The following CNTNAP5 variants were observed in gnomAD, a reference collection of about 807,000 sequenced individuals.
CNTNAP5 encodes the protein contactin associated protein family member 5, also known as contactin-associated protein-like 5.
In CNTNAP5, 72 loss-of-function variants were observed where a neutral mutation model predicts 150.2. The ratio of observed to expected loss-of-function variants is 0.48; its 90% CI spans 0.40 to 0.58. The LOEUF is 0.58. CNTNAP5 is among the 20% of genes least tolerant of loss of function. The pLI is 0.00. For missense variants in CNTNAP5, 1,636 were observed against 1,626.2 expected (o/e 1.01, Z -0.10); for synonymous variants, 672 against 619.8 (o/e 1.08, Z -1.25).
chr2:124,194,405 ATATATAAAT>A (rs1685533090), intron 1 of CNTNAP5, among the ~76,000 whole-genome samples: 3 of 6,090 alleles, frequency 4.9e-4, no homozygotes, highest in African/African-American at 8.7e-4. Flanking sequence ...ATATATATAT[ATATATAAAT>A]ATAAATAGGT....
chr2:124,117,208 C>G (rs1683448811), intron 1 of CNTNAP5, among the ~76,000 whole-genome samples: 1 of 152,162 alleles, frequency 6.6e-6, no homozygotes, highest in Admixed American at 6.5e-5. Context: ...GGGCAGAAAC[C>G]TGAGGTCTAT....
intron 3 of CNTNAP5, among the ~76,000 whole-genome samples, chr2:124,296,048 C>G (rs991397844): frequency 6.6e-6 from 1 of 150,906 alleles, no homozygotes; most frequent in African/African-American, 2.4e-5. Context: ...TATATAGTAC[C>G]TTTCCCTTCT....
chr2:124,143,773 T>A (rs921237043), intron 1 of CNTNAP5, among the ~76,000 whole-genome samples: 1 of 132,330 alleles, frequency 7.6e-6, no homozygotes, highest in African/African-American at 2.9e-5. Context: ...TTCAACATAG[T>A]GTTGGAAGTT....
chr2:124,159,961 T>G (rs1684634938), intron 1 of CNTNAP5, among the ~76,000 whole-genome samples: 1 of 152,244 alleles, frequency 6.6e-6, no homozygotes, highest in Non-Finnish European at 1.5e-5. Context: ...GCAATATTCC[T>G]GTTTTTTACA....
intron 12 of CNTNAP5, among the ~76,000 whole-genome samples, chr2:124,625,314 T>TTA (rs1165942171): frequency 3.3e-5 from 5 of 151,984 alleles, no homozygotes; most frequent in Admixed American, 2.6e-4. Flanking sequence ...CATATGGAAA[T>TTA]TATATAAAGC....
chr2:124,541,660 G>A (rs1452831519), intron 10 of CNTNAP5, among the ~76,000 whole-genome samples: 1 of 152,106 alleles, frequency 6.6e-6, no homozygotes, highest in Non-Finnish European at 1.5e-5. Context: ...AAATAATAAG[G>A]AAGGGAATAC....
intron 1 of CNTNAP5, among the ~76,000 whole-genome samples, chr2:124,144,621 A>G (rs1684197444): frequency 7.9e-6 from 1 of 126,150 alleles, no homozygotes; most frequent in African/African-American, 3.1e-5. Context: ...TCCCTTCCTT[A>G]CACGTTATAC....
chr2:124,700,604 A>G (rs556250829), intron 13 of CNTNAP5, among the ~76,000 whole-genome samples: 12 of 152,200 alleles, frequency 7.9e-5, no homozygotes, highest in South Asian at 6.2e-4. Context: ...CTCCTCACCA[A>G]TGGCATTGAA....
At chr2:124,072,825 C>A (rs898010732) in intron 1 of CNTNAP5, among the ~76,000 whole-genome samples, 1 of 151,928 alleles carries the variant, frequency 6.6e-6, no homozygotes, top group Non-Finnish European at 1.5e-5. Context: ...ATCAAAATAC[C>A]AATGACATCC....
intron 1 of CNTNAP5, among the ~76,000 whole-genome samples, chr2:124,156,769 G>A (rs764914786): frequency 8.5e-5 from 13 of 152,142 alleles, no homozygotes; most frequent in African/African-American, 2.7e-4. Flanking sequence ...GATTACAGGC[G>A]TGAGCCACCG....
At chr2:124,557,536 C>A (rs745620876) in intron 10 of CNTNAP5, among the ~76,000 whole-genome samples, 10 of 152,134 alleles carry the variant, frequency 6.6e-5, no homozygotes, top group African/African-American at 2.4e-4. Context: ...AGAGTGCCTA[C>A]CTTGCTTCCT....
chr2:124,252,561 T>C (rs1439922675), intron 3 of CNTNAP5, among the ~76,000 whole-genome samples: 2 of 152,176 alleles, frequency 1.3e-5, no homozygotes, highest in African/African-American at 4.8e-5. Flanking sequence ...GGGACTCTAA[T>C]CTGTTGCTAA....
chr2:124,466,598 G>A (rs1470476463), intron 6 of CNTNAP5, among the ~76,000 whole-genome samples: 1 of 152,192 alleles, frequency 6.6e-6, no homozygotes, highest in Non-Finnish European at 1.5e-5. Flanking sequence ...ACTTTATCAA[G>A]TGTTTCTAAG....
rs956269020 is a variant in CNTNAP5, at chr2:124,213,490, G to T, written c.83-8215G>T. 1.4e-4 allele frequency among the ~76,000 whole-genome samples: 22 copies of T among 152,258 alleles called. No homozygotes were observed. In the East Asian group the frequency reaches 4.3e-3, roughly 29 times the overall value. ...TCCTTTCACTCAACAAAGAAGTATTGACTAATTTATGTAGTCTGAAATACT... is the reference window on the plus strand; with the variant it reads ...TCCTTTCACTCAACAAAGAAGTATTTACTAATTTATGTAGTCTGAAATACT... On this transcript the variant is annotated intron_variant, in intron 1 of 23. Coordinates refer to ENST00000682447, the MANE Select transcript of CNTNAP5 (RefSeq NM_001367498.1).
chr2:124,575,276 C>A (rs568999064), intron 11 of CNTNAP5, among the ~76,000 whole-genome samples: 1 of 152,284 alleles, frequency 6.6e-6, no homozygotes, highest in African/African-American at 2.4e-5. Flanking sequence ...TAGGGAAAAT[C>A]CAGGGTTCTT....
Position 124,866,260 on chromosome 2 carries a change from AAAAC to A in CNTNAP5, c.3348+840_3348+843del, listed in dbSNP as rs200542925. Among the ~76,000 whole-genome samples the A allele has an allele frequency of 7.9e-3, 1,200 of 152,268 alleles. 14 individuals carry two copies. The highest frequency in any genetic ancestry group is 0.023 in the African/African-American group (950 of 41,538). On this transcript the variant is annotated intron_variant, in intron 20 of 23. Transcript: ENST00000682447. ...GGGAGACAGAGTGACTCCATCTCAA[AAAAC>A]AAACAAACAAACAAAAAGAAATGCA...
intron 19 of CNTNAP5, among the ~76,000 whole-genome samples, chr2:124,821,321 T>G (rs1302456387): frequency 3.3e-5 from 5 of 152,114 alleles, no homozygotes; most frequent in African/African-American, 1.2e-4. Context: ...CCACTTTCTT[T>G]CCCTCCCCTA....
intron 19 of CNTNAP5, among the ~76,000 whole-genome samples, chr2:124,855,338 C>T (rs183150385): frequency 7.9e-5 from 12 of 152,070 alleles, no homozygotes; most frequent in African/African-American, 1.7e-4. Context: ...CCACCACGCT[C>T]GGCTAATTTT....
chr2:124,804,873 T>C (rs901029878), intron 19 of CNTNAP5, among the ~76,000 whole-genome samples: 2 of 151,616 alleles, frequency 1.3e-5, no homozygotes, highest in Non-Finnish European at 1.5e-5. Flanking sequence ...GATTGTAAAC[T>C]ATAAAACACA....
Sources: allele counts gnomAD v4.1 joint callset (sites outside exome capture counted in the v4.1 genomes callset), GRCh38; gene constraint gnomAD v4.1.1; transcripts MANE v1.5; gene names NCBI Gene and HGNC (gene_info 2026-07-23, HGNC 2026-07-21).